The following CNTN3 variants were observed in gnomAD, a reference collection of about 807,000 sequenced individuals.
The protein encoded by CNTN3 is contactin-3.
In CNTN3, 60 loss-of-function variants were observed where a neutral mutation model predicts 119.1. That is an observed-to-expected ratio of 0.50 (90% CI 0.41 to 0.62). CNTN3 has a LOEUF of 0.62. Ranked by LOEUF, CNTN3 falls within the 20% of genes least tolerant of loss-of-function variation. CNTN3 has a pLI of 0.00. For missense variants in CNTN3, 1,101 were observed against 1,242.4 expected (o/e 0.89, Z 1.71); for synonymous variants, 450 against 438.7 (o/e 1.03, Z -0.32).
intron 1 of CNTN3, among the ~76,000 whole-genome samples, chr3:74,542,996 G>A (rs1326510157): frequency 1.3e-5 from 2 of 151,976 alleles, no homozygotes; most frequent in East Asian, 1.9e-4. Flanking sequence ...GGTGGCATGT[G>A]CCTGTAGTGT....
At chr3:74,432,107 T>C (rs987820038) in intron 4 of CNTN3, among the ~76,000 whole-genome samples, 5 of 152,172 alleles carry the variant, frequency 3.3e-5, no homozygotes, top group Admixed American at 2.0e-4. Context: ...GTTATCAAAT[T>C]ACATCATTAC....
At chr3:74,364,619 T>C (rs756905274) in intron 9 of CNTN3, 23 bp from the exon 10 acceptor site, 1 of 1,574,664 alleles carries the variant, frequency 6.4e-7, no homozygotes, top group South Asian at 1.1e-5. Flanking sequence ...AAAAATATCT[T>C]TCATATAAAC....
intron 4 of CNTN3, among the ~76,000 whole-genome samples, chr3:74,434,634 T>C (rs1348644906): frequency 1.3e-5 from 2 of 152,230 alleles, no homozygotes; most frequent in African/African-American, 4.8e-5. Flanking sequence ...ACAGGGCATA[T>C]TACTTCATTT....
In CNTN3 at chr3:74,339,406, T is replaced by C. The variant is rs537837325; in HGVS notation, c.1365-2748A>G. 6.2e-4 allele frequency among the ~76,000 whole-genome samples: 95 copies of C among 152,256 alleles called. 2 individuals are homozygous for C. The South Asian group carries it at 8.7e-3, about 14-fold the overall frequency. The stretch of plus-strand genomic sequence containing the variant: ...TTCTTTTAATGACTTTTTTGCTTCT[T>C]TTTGTCTCAGGGCCTTTATAAAAAC... On this transcript the variant is annotated intron_variant, in intron 11 of 22. Coordinates refer to ENST00000263665, the MANE Select transcript of CNTN3 (RefSeq NM_020872.3).
intron 1 of CNTN3, among the ~76,000 whole-genome samples, chr3:74,536,595 T>C (rs777704082): frequency 2.0e-5 from 3 of 152,126 alleles, no homozygotes; most frequent in Non-Finnish European, 4.4e-5. Context: ...CCTGGACGAA[T>C]ACATTTGTAA....
chr3:74,397,691 G>A (rs1705091073), intron 5 of CNTN3, among the ~76,000 whole-genome samples: 1 of 152,154 alleles, frequency 6.6e-6, no homozygotes, highest in African/African-American at 2.4e-5. Flanking sequence ...GATTGTAGGT[G>A]CCGTAGATGG....
intron 13 of CNTN3, among the ~76,000 whole-genome samples, chr3:74,315,916 T>A (rs1433970522): frequency 6.6e-6 from 1 of 152,168 alleles, no homozygotes; most frequent in Non-Finnish European, 1.5e-5. Flanking sequence ...ACATAGGAAA[T>A]ACTCTTTTTA....
chr3:74,385,770 A>G (rs1042077397), intron 5 of CNTN3, among the ~76,000 whole-genome samples: 2 of 152,240 alleles, frequency 1.3e-5, no homozygotes, highest in African/African-American at 2.4e-5. Context: ...AACTAATTCT[A>G]TATTATAAAA....
chr3:74,401,941 T>C (rs924803219), intron 5 of CNTN3, among the ~76,000 whole-genome samples: 1 of 152,110 alleles, frequency 6.6e-6, no homozygotes, highest in Non-Finnish European at 1.5e-5. Context: ...CACTGAAGAG[T>C]AAAGCCCATC....
Position 74,521,169 on chromosome 3 carries a change from T to A in CNTN3, c.-57A>T. 9.9e-7 allele frequency: 1 copy of A among 1,006,014 alleles called. No homozygotes were observed. The highest frequency in any genetic ancestry group is 1.6e-5 in the South Asian group (1 of 61,534). The allele number at this position is 1,006,014 out of a possible 1,614,324, so 62.3% of individuals were successfully genotyped here. Reference sequence around the variant, plus strand: ...TCCAGTCTCTGATGAATAGAATGCTTTCTCTTCAGGTAAATCCTTTAATCT... The same window carrying A: ...TCCAGTCTCTGATGAATAGAATGCTATCTCTTCAGGTAAATCCTTTAATCT... On this transcript the variant is annotated 5_prime_UTR_variant, in exon 2 of 23. Transcript: ENST00000263665.
At chr3:74,325,619 T>G (rs1703109423) in intron 13 of CNTN3, among the ~76,000 whole-genome samples, 1 of 152,044 alleles carries the variant, frequency 6.6e-6, no homozygotes. Context: ...GGGAACAATT[T>G]AGAAATAATA....
Position 74,476,582 on chromosome 3 carries a change from G to A in CNTN3, c.358+9874C>T, listed in dbSNP as rs148613435. Among the ~76,000 whole-genome samples the A allele has an allele frequency of 6.7e-3, 1,016 of 152,100 alleles. 7 individuals are homozygous for A. Among genetic ancestry groups the A allele is most frequent in the African/African-American group, 0.023 (969 of 41,496 alleles). On this transcript the variant is annotated intron_variant, in intron 4 of 22. Transcript: ENST00000263665. ...ACAAGAGTCAGCAGATCAACAAATCGCAGGTTAGCATTTGCAATATTCTGA... is the reference window on the plus strand; with the variant it reads ...ACAAGAGTCAGCAGATCAACAAATCACAGGTTAGCATTTGCAATATTCTGA...
intron 5 of CNTN3, among the ~76,000 whole-genome samples, chr3:74,375,037 T>G (rs1704445332): frequency 6.6e-6 from 1 of 152,178 alleles, no homozygotes; most frequent in Non-Finnish European, 1.5e-5. Context: ...CCTTTCTCTT[T>G]GTATCTCAGC....
chr3:74,428,906 C>T (rs7427509), intron 4 of CNTN3, among the ~76,000 whole-genome samples: 33,558 of 152,044 alleles, frequency 0.22, 3,741 homozygotes, highest in Admixed American at 0.27. Flanking sequence ...CAAATACTCA[C>T]CATTGTGTCA....
chr3:74,529,496 T>C (rs909294227), intron 1 of CNTN3, among the ~76,000 whole-genome samples: 1 of 151,930 alleles, frequency 6.6e-6, no homozygotes. Flanking sequence ...TATATAGTTA[T>C]CAAAATAATT....
intron 9 of CNTN3, among the ~76,000 whole-genome samples, chr3:74,364,931 G>A (rs904334481): frequency 2.0e-5 from 3 of 152,062 alleles, no homozygotes; most frequent in Non-Finnish European, 4.4e-5. Context: ...GTTTTATGAG[G>A]TTGATTTTTA....
Position 74,369,979 on chromosome 3 carries a change from T to A in CNTN3, c.671A>T (p.Glu224Val). 6.4e-7 allele frequency: 1 copy of A among 1,563,094 alleles called. No homozygotes were observed. Among genetic ancestry groups the A allele is most frequent in the Admixed American group, 1.7e-5 (1 of 59,114 alleles). The change falls in exon 7 of 23, where the codon GAA becomes GTA. Residue 224 changes from glutamate to valine, a missense_variant. Transcript: ENST00000263665. The part of the protein sequence containing the change: ...LVLRSDGVMG[E>V]YEPKIEVQFP... ...CTGAACTTCTATTTTAGGTTCATAT[T>A]CACCCATCACACCTATAAATCCACA...
intron 5 of CNTN3, among the ~76,000 whole-genome samples, chr3:74,419,045 C>G (rs1470670673): frequency 1.3e-5 from 2 of 151,986 alleles, no homozygotes; most frequent in Non-Finnish European, 2.9e-5. Context: ...AATCCACCCT[C>G]CTCGGCCTCC....
intron 5 of CNTN3, among the ~76,000 whole-genome samples, chr3:74,407,583 T>TA (rs150612001): frequency 0.029 from 4,358 of 151,838 alleles, 212 homozygotes; most frequent in African/African-American, 0.095. Context: ...AAGCCAAATA[T>TA]CCTTAGCGGA....
Sources: gnomAD v4.1 joint callset for allele counts (sites outside exome capture counted in the v4.1 genomes callset) on GRCh38, gnomAD v4.1.1 for gene constraint, MANE v1.5 for transcripts, NCBI Gene and HGNC (gene_info 2026-07-23, HGNC 2026-07-21) for gene names.